Variants in ERBB4 observed in about 807,000 individuals in gnomAD.
ERBB4 encodes the protein receptor tyrosine-protein kinase erbB-4.
Under a neutral mutation model 158.0 loss-of-function variants are expected in ERBB4, and 42 were observed. That is an observed-to-expected ratio of 0.27 (90% CI 0.21 to 0.34). ERBB4 has a LOEUF of 0.34. Ranked by LOEUF, ERBB4 falls within the 10% of genes least tolerant of loss-of-function variation. The pLI is 1.00. For synonymous variants in ERBB4, 583 were observed against 558.7 expected (o/e 1.04, Z -0.61); for missense variants, 1,333 against 1,624.1 (o/e 0.82, Z 3.08).
intron 1 of ERBB4, among the ~76,000 whole-genome samples, chr2:212,198,255 A>G (rs998761686): frequency 5.3e-5 from 8 of 152,170 alleles, no homozygotes; most frequent in Non-Finnish European, 8.8e-5. Flanking sequence ...TAGATGTACA[A>G]TTCAATGGCA....
chr2:211,425,639 A>C (rs1202334750), intron 22 of ERBB4, among the ~76,000 whole-genome samples: 2 of 151,696 alleles, frequency 1.3e-5, no homozygotes, highest in Non-Finnish European at 2.9e-5. Context: ...TATATGTTTT[A>C]TATTTTAGAA....
intron 20 of ERBB4, among the ~76,000 whole-genome samples, chr2:211,495,095 A>G (rs1233450047): frequency 2.0e-5 from 3 of 152,086 alleles, no homozygotes; most frequent in Non-Finnish European, 2.9e-5. Context: ...AAAAATGGGG[A>G]AAAAGTAGCA....
rs556121321 is a variant in ERBB4, at chr2:211,868,914, T to C, written c.421+78516A>G. Among the ~76,000 whole-genome samples the C allele has an allele frequency of 2.6e-5, 4 of 152,312 alleles. No homozygotes were observed. The South Asian group carries it at 8.3e-4, about 32-fold the overall frequency. Reference sequence around the variant, plus strand: ...CCAATTTTCCTTACCTCTCAATAAATCTATTGCAACAGCCTCCTAACCATG... The same window carrying C: ...CCAATTTTCCTTACCTCTCAATAAACCTATTGCAACAGCCTCCTAACCATG... On this transcript the variant is annotated intron_variant, in intron 3 of 27. Coordinates refer to ENST00000342788, the MANE Select transcript of ERBB4 (RefSeq NM_005235.3).
intron 25 of ERBB4, among the ~76,000 whole-genome samples, chr2:211,414,151 C>T (rs552146763): frequency 2.0e-5 from 3 of 152,126 alleles, no homozygotes; most frequent in Non-Finnish European, 4.4e-5. Flanking sequence ...CTACCTCTAT[C>T]AGAGGTAGGC....
intron 2 of ERBB4, among the ~76,000 whole-genome samples, chr2:212,030,956 G>A (rs534814584): frequency 5.9e-5 from 9 of 152,042 alleles, no homozygotes; most frequent in East Asian, 1.9e-4. Flanking sequence ...CTAATCCACC[G>A]ACATTTAACA....
chr2:211,447,134 C>A lies in ERBB4; in HGVS notation c.2488-16034G>T, dbSNP rs79763492. On this transcript the variant is annotated intron_variant, in intron 20 of 27. Coordinates refer to ENST00000342788, the MANE Select transcript of ERBB4 (RefSeq NM_005235.3). ...AGTGAGTTTATTTGAATCATAACTTCTATATTCCTTTACAATTATGATCAT... is the reference window on the plus strand; with the variant it reads ...AGTGAGTTTATTTGAATCATAACTTATATATTCCTTTACAATTATGATCAT... 1.3e-4 allele frequency among the ~76,000 whole-genome samples: 20 copies of A among 152,218 alleles called. No individual in the cohort carries two copies. In the East Asian group the frequency reaches 3.7e-3, roughly 28 times the overall value.
chr2:211,750,883 T>A (rs1014297225), intron 4 of ERBB4, among the ~76,000 whole-genome samples, 179 bp from the exon 5 acceptor site: 1 of 152,208 alleles, frequency 6.6e-6, no homozygotes, highest in Admixed American at 6.5e-5. Context: ...GTCAAACATA[T>A]GTGAAACTAA....
chr2:211,733,242 A>G (rs2074487009), intron 5 of ERBB4, among the ~76,000 whole-genome samples: 1 of 152,186 alleles, frequency 6.6e-6, no homozygotes, highest in African/African-American at 2.4e-5. Flanking sequence ...TAAACTACAC[A>G]CTTGGTCACC....
chr2:211,637,674 G>T (rs1015439433), intron 16 of ERBB4, among the ~76,000 whole-genome samples: 6 of 151,876 alleles, frequency 4.0e-5, no homozygotes, highest in African/African-American at 1.4e-4. Context: ...TTTATAATTA[G>T]AATTTAACTT....
chr2:212,491,277 A>T (rs2106200899), intron 1 of ERBB4, among the ~76,000 whole-genome samples: 1 of 151,826 alleles, frequency 6.6e-6, no homozygotes, highest in Middle Eastern at 3.4e-3. Flanking sequence ...TTTTTAAAAA[A>T]GCAATAATAA....
intron 4 of ERBB4, among the ~76,000 whole-genome samples, chr2:211,787,077 A>G (rs1231719217): frequency 6.6e-6 from 1 of 152,224 alleles, no homozygotes; most frequent in Non-Finnish European, 1.5e-5. Context: ...GGCCATGATG[A>G]AATTTAATAA....
rs76158357 is a variant in ERBB4, at chr2:212,293,913, G to A, written c.83-169010C>T. 5.1e-3 allele frequency among the ~76,000 whole-genome samples: 748 copies of A among 146,914 alleles called. 9 individuals carry two copies. The highest frequency in any genetic ancestry group is 0.018 in the African/African-American group (723 of 40,024). Reference sequence around the variant, plus strand: ...TGTATGATGTGTATAAGATGATGATGATATGTGTGTGTAGAGAGAATATGA... The same window carrying A: ...TGTATGATGTGTATAAGATGATGATAATATGTGTGTGTAGAGAGAATATGA... On this transcript the variant is annotated intron_variant, in intron 1 of 27. Coordinates refer to ENST00000342788, the MANE Select transcript of ERBB4 (RefSeq NM_005235.3).
chr2:211,733,451 C>T (rs1034579666), intron 5 of ERBB4, among the ~76,000 whole-genome samples: 14 of 147,442 alleles, frequency 9.5e-5, no homozygotes, highest in African/African-American at 3.8e-4. Context: ...CGTAAGAATA[C>T]CATAGTATTT....
At chr2:212,471,046 TC>T (rs1302398633) in intron 1 of ERBB4, among the ~76,000 whole-genome samples, 1 of 152,050 alleles carries the variant, frequency 6.6e-6, no homozygotes, top group Non-Finnish European at 1.5e-5. Flanking sequence ...TTCATGTGAA[TC>T]TTTGCTATGA....
At chr2:211,663,469 C>G (rs1227591834) in intron 15 of ERBB4, among the ~76,000 whole-genome samples, 1 of 152,130 alleles carries the variant, frequency 6.6e-6, no homozygotes, top group Non-Finnish European at 1.5e-5. Flanking sequence ...TTCCCAAATG[C>G]TCTGGTGAGA....
chr2:212,393,653 G>C (rs2090943182), intron 1 of ERBB4, among the ~76,000 whole-genome samples: 1 of 151,926 alleles, frequency 6.6e-6, no homozygotes. Context: ...ACTTTTTCCA[G>C]GATTACTCAG....
At chr2:212,144,249 A>C (rs1458987139) in intron 1 of ERBB4, among the ~76,000 whole-genome samples, 2 of 152,146 alleles carry the variant, frequency 1.3e-5, no homozygotes, top group African/African-American at 4.8e-5. Context: ...CCTCTTTGGC[A>C]ATTGTGTTAA....
intron 25 of ERBB4, among the ~76,000 whole-genome samples, chr2:211,419,274 T>C (rs1240072979): frequency 6.6e-6 from 1 of 152,034 alleles, no homozygotes; most frequent in Non-Finnish European, 1.5e-5. Context: ...GGGATGATAA[T>C]AATAGAACCT....
rs541845087 is a variant in ERBB4, at chr2:211,927,792, G to C, written c.421+19638C>G. 2.0e-5 allele frequency among the ~76,000 whole-genome samples: 3 copies of C among 151,972 alleles called. No homozygotes were observed. In the East Asian group the frequency reaches 5.8e-4, roughly 29 times the overall value. ...TTGGTTTTCATTATCTAGAAGTTAAGGAAGTTTGTCCCTTCCATCTCTAAA... is the reference window on the plus strand; with the variant it reads ...TTGGTTTTCATTATCTAGAAGTTAACGAAGTTTGTCCCTTCCATCTCTAAA... On this transcript the variant is annotated intron_variant, in intron 3 of 27. Transcript: ENST00000342788.
Sources: allele counts gnomAD v4.1 joint callset (sites outside exome capture counted in the v4.1 genomes callset), GRCh38; gene constraint gnomAD v4.1.1; transcripts MANE v1.5; gene names NCBI Gene and HGNC (gene_info 2026-07-23, HGNC 2026-07-21).